The following VWF variants were observed in gnomAD, a reference collection of about 807,000 sequenced individuals.
The protein encoded by VWF is Factor VIII related antigen.
Under a neutral mutation model 308.6 loss-of-function variants are expected in VWF, and 176 were observed. The ratio of observed to expected loss-of-function variants is 0.57; its 90% CI spans 0.50 to 0.65. The LOEUF (loss-of-function observed/expected upper bound fraction) is 0.65, where lower values mean the gene tolerates loss of function less well. Among genes scored for constraint, VWF ranks in the 30% least tolerant of loss-of-function variants. The pLI, the probability that VWF is intolerant of heterozygous loss-of-function variation, is 0.00. For synonymous variants in VWF, 1,385 were observed against 1,443.4 expected, an observed-to-expected ratio of 0.96 and a Z score of 0.92; for missense variants, 3,146 against 3,648.2, an observed-to-expected ratio of 0.86 and a Z score of 3.55.
intron 3 of VWF, among the ~76,000 whole-genome samples, chr12:6,114,989 G>A (rs1014493182): frequency 2.0e-5 from 3 of 152,216 alleles, no homozygotes; most frequent in Admixed American, 1.3e-4. Context: ...GAGGGGGCTT[G>A]AAGAGCAGTC....
At chr12:5,980,040 C>CA (rs746870090) in intron 42 of VWF, among the ~76,000 whole-genome samples, 7,947 of 69,772 alleles carry the variant, frequency 0.11, 484 homozygotes, top group East Asian at 0.32. Flanking sequence ...GACTCCATCT[C>CA]AAAAAAAAAA....
In VWF at chr12:6,058,670, GGGT is replaced by G. The variant is rs1007893230; in HGVS notation, c.1534-629_1534-627del. Reference sequence around the variant, plus strand: ...GGCCACGAGCCACAGAAGACTCTGAGGGTGATGATGGATAGGAGTAGGAGTCTG... The same window carrying G: ...GGCCACGAGCCACAGAAGACTCTGAGGATGATGGATAGGAGTAGGAGTCTG... On this transcript the variant is annotated intron_variant, in intron 13 of 51. Transcript: ENST00000261405. This position sits in a 1 kb window ranked among gnomAD's most constrained non-coding sequence, Gnocchi z 4.9. Among the ~76,000 whole-genome samples the G allele has an allele frequency of 6.6e-6, 1 of 152,232 alleles. No homozygotes were observed. Among genetic ancestry groups the G allele is most frequent in the Non-Finnish European group, 1.5e-5 (1 of 68,038 alleles).
intron 28 of VWF, among the ~76,000 whole-genome samples, chr12:6,017,220 C>T (rs1018830403): frequency 1.3e-5 from 2 of 152,170 alleles, no homozygotes; most frequent in African/African-American, 4.8e-5. Flanking sequence ...CCTGGCAATA[C>T]AAGGAGACTG....
chr12:6,074,118 A>G (rs1016316139), intron 7 of VWF, among the ~76,000 whole-genome samples: 2 of 152,068 alleles, frequency 1.3e-5, no homozygotes, highest in Non-Finnish European at 2.9e-5. Context: ...GCAAGGAGCC[A>G]TGGTGCCCTC....
chr12:6,083,085 A>G (rs1944931767), intron 6 of VWF, among the ~76,000 whole-genome samples: 3 of 152,142 alleles, frequency 2.0e-5, no homozygotes, highest in Admixed American at 2.0e-4. Context: ...TCTCAGCTCA[A>G]TGCAACCTCT....
chr12:6,022,121 C>G lies in VWF; in HGVS notation c.3539-86G>C. On this transcript the variant is annotated intron_variant, in intron 26 of 51. Coordinates refer to ENST00000261405, the MANE Select transcript of VWF (RefSeq NM_000552.5). ...TTTTTAACTAAAAGGGAGGAGCCAA[C>G]TCCTCCTCCTGCCCTAGAAGCCAAC... The G allele has an allele frequency of 9.4e-6, 15 of 1,593,290 alleles. No homozygotes were observed. The South Asian group carries it at 1.7e-4, about 18-fold the overall frequency.
At chr12:6,109,841 A>G (rs2136521179) in intron 5 of VWF, among the ~76,000 whole-genome samples, 1 of 152,248 alleles carries the variant, frequency 6.6e-6, no homozygotes, top group East Asian at 1.9e-4. Flanking sequence ...TAGTAGAGAC[A>G]TGGTTTCACC....
chr12:5,949,684 C>T, intron 51 of VWF, 102 bp downstream of exon 51: 2 of 1,230,768 alleles, frequency 1.6e-6, no homozygotes, highest in Non-Finnish European at 2.4e-6. Flanking sequence ...CTTCTCTTCC[C>T]TGCGAATTTT....
intron 34 of VWF, among the ~76,000 whole-genome samples, chr12:5,997,899 T>C (rs995957240): frequency 1.3e-5 from 2 of 152,210 alleles, no homozygotes; most frequent in Non-Finnish European, 2.9e-5. Context: ...TAAAAATTAA[T>C]ACATTAGAGT....
At chr12:5,957,696 G>T (rs1224356308) in intron 47 of VWF, among the ~76,000 whole-genome samples, 2 of 152,060 alleles carry the variant, frequency 1.3e-5, no homozygotes, top group Admixed American at 6.6e-5. Flanking sequence ...GACATTTTCA[G>T]ATAAATGAAA....
intron 38 of VWF, among the ~76,000 whole-genome samples, chr12:5,990,868 TAAAAAAAAAAAAAAAAAAAAAA>T (rs755717764): frequency 3.8e-4 from 12 of 31,458 alleles, no homozygotes; most frequent in Admixed American, 1.0e-3. Flanking sequence ...CCCATAGAGC[TAAAAAAAAAAAAAAAAAAAAAA>T]AAAAAAAAAA....
intron 5 of VWF, among the ~76,000 whole-genome samples, chr12:6,100,498 T>G (rs922907908): frequency 6.6e-6 from 1 of 151,346 alleles, no homozygotes; most frequent in Non-Finnish European, 1.5e-5. Context: ...AACCCAAATG[T>G]CCAACAATGA....
At chr12:6,071,441 G>A (rs1944780472) in intron 9 of VWF, 98 bp from the exon 10 acceptor site, 15 of 1,348,210 alleles carry the variant, frequency 1.1e-5, no homozygotes, top group South Asian at 4.8e-5. Flanking sequence ...GTCCCCAAAC[G>A]AAGGGATGTG....
intron 6 of VWF, among the ~76,000 whole-genome samples, chr12:6,085,301 A>AT (rs1454961108): frequency 6.6e-6 from 1 of 152,222 alleles, no homozygotes; most frequent in Non-Finnish European, 1.5e-5. Context: ...ACAGGAGCTA[A>AT]TTCCCCTAAG....
intron 19 of VWF, among the ~76,000 whole-genome samples, chr12:6,035,351 A>G (rs530256406): frequency 2.6e-5 from 4 of 152,222 alleles, no homozygotes; most frequent in Non-Finnish European, 5.9e-5. Context: ...GTATGTAGCT[A>G]CATGTTAAAA....
Position 6,071,335 on chromosome 12 carries a change from C to T in VWF, c.1118G>A (p.Arg373Gln), listed in dbSNP as rs78516266. 38 of 1,614,012 alleles carry T rather than the reference C, an allele frequency of 2.4e-5. No homozygotes were observed. Among genetic ancestry groups the T allele is most frequent in the Non-Finnish European group, 2.9e-5 (34 of 1,180,036 alleles). The change falls in exon 10 of 52, where the codon CGA becomes CAA. Residue 373 changes from arginine to glutamine, a missense_variant. By Grantham distance (43) the Arg-to-Gln change is conservative. Transcript: ENST00000261405. The part of the protein sequence containing the change: ...LSRDCNTCIC[R>Q]NSQWICSNEE... ...ATTGCTGCAGATCCACTGGCTGTTT[C>T]GGCAAATGCTGTTGGAGGGAAAAAG...
intron 10 of VWF, among the ~76,000 whole-genome samples, chr12:6,067,372 T>G (rs570891555): frequency 6.6e-6 from 1 of 152,276 alleles, no homozygotes; most frequent in East Asian, 1.9e-4. Flanking sequence ...AGCAAGAAAA[T>G]GGACTTCTGT....
intron 47 of VWF, among the ~76,000 whole-genome samples, chr12:5,960,934 C>T (rs1010459031): frequency 6.6e-5 from 10 of 152,292 alleles, no homozygotes; most frequent in African/African-American, 2.4e-4. Flanking sequence ...ATGAGTGAAG[C>T]TTCATCTGTA....
intron 40 of VWF, among the ~76,000 whole-genome samples, chr12:5,983,829 AGAT>A (rs1243390124): frequency 6.6e-6 from 1 of 152,088 alleles, no homozygotes; most frequent in African/African-American, 2.4e-5. Flanking sequence ...GATAGAGGAT[AGAT>A]GATAAATAGA....
Sources: allele counts gnomAD v4.1 joint callset (sites outside exome capture counted in the v4.1 genomes callset), GRCh38; gene constraint gnomAD v4.1.1; non-coding constraint Gnocchi (gnomAD v3.1); transcripts MANE v1.5; gene names NCBI Gene and HGNC (gene_info 2026-07-23, HGNC 2026-07-21).